The following SOX5 variants were observed in gnomAD, a reference collection of about 807,000 sequenced individuals.
SOX5 encodes the protein transcription factor SOX-5.
SOX5 carries 9 observed loss-of-function variants against 92.0 expected under a neutral mutation model. That is an observed-to-expected ratio of 0.10 (90% confidence interval 0.06 to 0.17). The LOEUF is 0.17. Among genes scored for constraint, SOX5 ranks in the 10% least tolerant of loss-of-function variants. SOX5 has a pLI of 1.00. For synonymous variants in SOX5, 344 were observed against 336.3 expected (o/e 1.02, Z -0.25); for missense variants, 642 against 944.5 (o/e 0.68, Z 4.20).
chr12:23,951,032 TG>T (rs548980752), upstream of SOX5: 54 of 632,402 alleles, frequency 8.5e-5, no homozygotes, highest in Middle Eastern at 9.9e-4. Context: ...CCACTCCTAC[TG>T]GGAGGGTTCA....
chr12:24,381,933 A>C (rs923915029), intron 1 of SOX5, among the ~76,000 whole-genome samples: 1 of 152,238 alleles, frequency 6.6e-6, no homozygotes, highest in African/African-American at 2.4e-5. Context: ...TACATTATTT[A>C]TGACTTCTCT....
intron 2 of SOX5, among the ~76,000 whole-genome samples, chr12:24,333,093 G>T (rs1210912332): frequency 6.6e-6 from 1 of 151,986 alleles, no homozygotes; most frequent in East Asian, 1.9e-4. Context: ...TATAAAAAAA[G>T]AGTTATGATA....
intron 4 of SOX5, among the ~76,000 whole-genome samples, chr12:23,745,315 A>C (rs943754604): frequency 7.2e-5 from 11 of 152,098 alleles, no homozygotes; most frequent in Non-Finnish European, 1.0e-4. Flanking sequence ...TAGAACTTTT[A>C]AAATAGAACT....
intron 3 of SOX5, among the ~76,000 whole-genome samples, chr12:23,767,750 G>C (rs2094786540): frequency 6.6e-6 from 1 of 151,950 alleles, no homozygotes; most frequent in Non-Finnish European, 1.5e-5. Flanking sequence ...GGGAAGGCAA[G>C]AGAAAGAGTA....
At chr12:24,129,579 G>A (rs1309430142) in intron 4 of SOX5, among the ~76,000 whole-genome samples, 1 of 152,148 alleles carries the variant, frequency 6.6e-6, no homozygotes, top group East Asian at 1.9e-4. Flanking sequence ...TGCACATGGA[G>A]GGTGACCGTC....
chr12:24,465,559 G>C (rs963577178), intron 1 of SOX5, among the ~76,000 whole-genome samples: 3 of 152,126 alleles, frequency 2.0e-5, no homozygotes, highest in African/African-American at 7.2e-5. Context: ...AGGGGGAGTG[G>C]TCACCTGAGA....
At chr12:24,191,130 TGTGA>T (rs1956483844) in intron 4 of SOX5, among the ~76,000 whole-genome samples, 2 of 152,066 alleles carry the variant, frequency 1.3e-5, no homozygotes, top group Admixed American at 1.3e-4. Context: ...TCCTGCTTTG[TGTGA>T]GTGAGATAAG....
At chr12:23,921,141 A>T (rs920484843) in intron 1 of SOX5, among the ~76,000 whole-genome samples, 1 of 152,196 alleles carries the variant, frequency 6.6e-6, no homozygotes, top group Admixed American at 6.5e-5. Flanking sequence ...CCCAAGTTAG[A>T]ATAGTCCCTG....
chr12:24,097,891 T>G (rs1259954032), intron 4 of SOX5, among the ~76,000 whole-genome samples: 1 of 152,176 alleles, frequency 6.6e-6, no homozygotes, highest in African/African-American at 2.4e-5. Context: ...CATATATTGC[T>G]ATGTAAACTT....
At chr12:24,301,847 T>G (rs923279636) in intron 2 of SOX5, among the ~76,000 whole-genome samples, 8 of 152,204 alleles carry the variant, frequency 5.3e-5, no homozygotes, top group Non-Finnish European at 1.0e-4. Context: ...AAGCTGATTT[T>G]AACACACTAA....
intron 3 of SOX5, among the ~76,000 whole-genome samples, chr12:23,840,595 C>T (rs527923599): frequency 1.3e-5 from 2 of 152,118 alleles, no homozygotes; most frequent in East Asian, 1.9e-4. Flanking sequence ...TATCAAGCTA[C>T]GGTAATCAAG....
chr12:24,099,484 C>T (rs1045293546), intron 4 of SOX5, among the ~76,000 whole-genome samples: 9 of 152,112 alleles, frequency 5.9e-5, no homozygotes, highest in Admixed American at 5.9e-4. Context: ...TTTGTTCTCC[C>T]TTTCATTAAT....
chr12:23,776,392 T>C (rs766461723), intron 3 of SOX5, among the ~76,000 whole-genome samples: 17 of 152,196 alleles, frequency 1.1e-4, no homozygotes, highest in Non-Finnish European at 2.5e-4. Context: ...AAGAAGGATA[T>C]GACTGAGGAA....
At chr12:24,299,370 G>A (rs976854348) in intron 2 of SOX5, among the ~76,000 whole-genome samples, 14 of 152,030 alleles carry the variant, frequency 9.2e-5, no homozygotes, top group Non-Finnish European at 1.6e-4. Context: ...GAATGAAGGT[G>A]TTTACAATGT....
intron 8 of SOX5, among the ~76,000 whole-genome samples, chr12:23,610,698 C>T (rs1246315340): frequency 6.6e-6 from 1 of 151,952 alleles, no homozygotes; most frequent in Non-Finnish European, 1.5e-5. Context: ...AGATAAAATT[C>T]ACATTCATTC....
intron 3 of SOX5, among the ~76,000 whole-genome samples, chr12:23,798,559 TAG>T (rs1394522161): frequency 7.0e-6 from 1 of 142,908 alleles, no homozygotes; most frequent in African/African-American, 2.6e-5. Context: ...ACATATATAA[TAG>T]CAATATCCCA....
chr12:23,753,985 T>A lies in SOX5; in HGVS notation c.568+1653A>T, dbSNP rs145584055. On this transcript the variant is annotated intron_variant, in intron 4 of 14. Coordinates refer to ENST00000451604, the MANE Select transcript of SOX5 (RefSeq NM_006940.6). ...GACCTACAGTTGCTTTTAAAATGCA[T>A]CAGAAAACAGTGTTTTGAACAGAAC... 2.9e-3 allele frequency among the ~76,000 whole-genome samples: 446 copies of A among 151,898 alleles called. 3 individuals carry two copies. Among genetic ancestry groups the A allele is most frequent in the African/African-American group, 0.01 (422 of 41,504 alleles).
At chr12:23,797,652 C>T (rs1021134564) in intron 3 of SOX5, among the ~76,000 whole-genome samples, 6 of 151,896 alleles carry the variant, frequency 4.0e-5, no homozygotes, top group Admixed American at 2.0e-4. Context: ...TCCTGAAGCC[C>T]CTAAAAGTTT....
At chr12:24,452,669 T>C (rs776034669) in intron 1 of SOX5, among the ~76,000 whole-genome samples, 7 of 152,072 alleles carry the variant, frequency 4.6e-5, no homozygotes, top group Non-Finnish European at 8.8e-5. Context: ...TAAGAGAAAT[T>C]GATGGGTTAG....
Sources: allele counts gnomAD v4.1 joint callset (sites outside exome capture counted in the v4.1 genomes callset), GRCh38; gene constraint gnomAD v4.1.1; transcripts MANE v1.5; gene names NCBI Gene and HGNC (gene_info 2026-07-23, HGNC 2026-07-21).